The following RARB variants were observed in gnomAD, a reference collection of about 807,000 sequenced individuals.
RARB encodes the protein HBV-activated protein.
Under a neutral mutation model 51.9 loss-of-function variants are expected in RARB, and 17 were observed. The observed-to-expected ratio is 0.33, with a 90% CI of 0.22 to 0.49. The LOEUF (loss-of-function observed/expected upper bound fraction) is 0.49, where lower values mean the gene tolerates loss of function less well. Ranked by LOEUF, RARB falls within the 20% of genes least tolerant of loss-of-function variation. The probability of loss-of-function intolerance (pLI) is 0.99; values close to 1 mark genes in which losing one functional copy is unlikely to be tolerated. For missense variants in RARB, 369 were observed against 550.8 expected (o/e 0.67, Z 3.30); for synonymous variants, 215 against 195.4 (o/e 1.10, Z -0.84).
chr3:24,889,570 T>C (rs139806971), intron 2 of RARB, among the ~76,000 whole-genome samples: 215 of 152,280 alleles, frequency 1.4e-3, no homozygotes, highest in African/African-American at 5.1e-3. Context: ...GGAATCTTCA[T>C]AACAAACATT....
chr3:25,593,178 T>TTA (rs1553637351), intron 5 of RARB, among the ~76,000 whole-genome samples: 74 of 152,062 alleles, frequency 4.9e-4, no homozygotes, highest in African/African-American at 1.5e-3. Context: ...TTTTTTTTTT[T>TTA]ATCTCCAGCA....
At chr3:24,863,046 G>C (rs1702783624) in intron 2 of RARB, among the ~76,000 whole-genome samples, 1 of 152,202 alleles carries the variant, frequency 6.6e-6, no homozygotes, top group African/African-American at 2.4e-5. Context: ...GAGATGGCCA[G>C]AAAGGAGAAT....
chr3:24,988,099 C>T (rs369767620), intron 2 of RARB, among the ~76,000 whole-genome samples: 2 of 152,128 alleles, frequency 1.3e-5, no homozygotes, highest in African/African-American at 4.8e-5. Flanking sequence ...TCTCATATAA[C>T]ACCCTTAACT....
chr3:24,959,637 G>A (rs370909198), intron 2 of RARB, among the ~76,000 whole-genome samples: 28 of 152,308 alleles, frequency 1.8e-4, no homozygotes, highest in African/African-American at 6.0e-4. Flanking sequence ...CAGGGACACT[G>A]CCCTTTTCCG....
chr3:24,922,134 C>T (rs111757866), intron 2 of RARB, among the ~76,000 whole-genome samples: 14 of 152,300 alleles, frequency 9.2e-5, no homozygotes, highest in African/African-American at 3.1e-4. Flanking sequence ...TATGAAAGCA[C>T]TTCTAGTGTC....
intron 2 of RARB, among the ~76,000 whole-genome samples, chr3:24,972,314 T>C (rs1696417699): frequency 1.3e-5 from 2 of 151,718 alleles, no homozygotes; most frequent in African/African-American, 4.9e-5. Context: ...GCAAATGACA[T>C]GGTTTCCTTC....
intron 5 of RARB, among the ~76,000 whole-genome samples, chr3:25,261,417 T>G (rs1304199685): frequency 6.6e-6 from 1 of 152,162 alleles, no homozygotes; most frequent in Non-Finnish European, 1.5e-5. Context: ...CTCTTTTCTG[T>G]AGTACCTGTA....
At chr3:24,852,613 C>T (rs1043197001) in intron 1 of RARB, among the ~76,000 whole-genome samples, 5 of 152,012 alleles carry the variant, frequency 3.3e-5, no homozygotes, top group Admixed American at 2.6e-4. Flanking sequence ...AAATGTCCAC[C>T]GAATGGTGAA....
rs35710364 is a variant in RARB, at chr3:25,156,516, C to CA, written c.-279-17572dup. On this transcript the variant is annotated intron_variant, in intron 4 of 11. Coordinates refer to the RARB transcript ENST00000383772. ...ATCACACAAATTCTAGCCCCAACTG[C>CA]AAAAAAAAAAAAAAAAAAAAAAAAA... Among the ~76,000 whole-genome samples, 378 of 56,804 alleles carry CA rather than the reference C, an allele frequency of 6.7e-3. 63 individuals carry two copies. The highest frequency in any genetic ancestry group is 0.015 in the Middle Eastern group (1 of 68). 37.3% of individuals were successfully genotyped at this position (56,804 alleles called of 152,430 possible).
chr3:25,484,350 A>G (rs1417581391), intron 2 of RARB, among the ~76,000 whole-genome samples: 1 of 152,128 alleles, frequency 6.6e-6, no homozygotes, highest in Non-Finnish European at 1.5e-5. Flanking sequence ...TAGTACATCA[A>G]TAGTTTCTGA....
chr3:25,020,193 G>C (rs1697603235), intron 2 of RARB: 1 of 150,694 alleles, frequency 6.6e-6, no homozygotes. Flanking sequence ...AGGTTGCTCA[G>C]GCTGGAGGGC....
At chr3:25,024,113 C>G (rs1241771017) in intron 2 of RARB, among the ~76,000 whole-genome samples, 1 of 152,154 alleles carries the variant, frequency 6.6e-6, no homozygotes, top group Non-Finnish European at 1.5e-5. Context: ...TCCAATGAGC[C>G]TTCCATCACA....
chr3:25,305,453 TG>T (rs1424264616), intron 5 of RARB, among the ~76,000 whole-genome samples: 1 of 152,184 alleles, frequency 6.6e-6, no homozygotes, highest in African/African-American at 2.4e-5. Context: ...AACCACAGTT[TG>T]CTTGTTTAAA....
chr3:25,589,779 A>C (rs977792798), intron 5 of RARB, among the ~76,000 whole-genome samples: 1 of 152,244 alleles, frequency 6.6e-6, no homozygotes, highest in African/African-American at 2.4e-5. Context: ...GTTGTCCAAC[A>C]GGGCCCTGCT....
At chr3:25,375,065 G>C (rs1706418607) in intron 5 of RARB, among the ~76,000 whole-genome samples, 1 of 152,074 alleles carries the variant, frequency 6.6e-6, no homozygotes, top group African/African-American at 2.4e-5. Context: ...AAACACAGTT[G>C]TCAACAAACA....
intron 2 of RARB, among the ~76,000 whole-genome samples, chr3:24,997,271 A>G (rs992145279): frequency 1.3e-5 from 2 of 151,998 alleles, no homozygotes; most frequent in Admixed American, 1.3e-4. Flanking sequence ...TGATAAGTAT[A>G]GCTATTTCTA....
At chr3:25,188,061 A>G (rs916787807) in intron 5 of RARB, among the ~76,000 whole-genome samples, 2 of 152,156 alleles carry the variant, frequency 1.3e-5, no homozygotes, top group African/African-American at 4.8e-5. Flanking sequence ...TTACCGAATT[A>G]ATAGAATTAA....
intron 1 of RARB, among the ~76,000 whole-genome samples, chr3:25,438,344 A>C (rs1213952969): frequency 1.3e-5 from 2 of 152,076 alleles, no homozygotes; most frequent in Non-Finnish European, 2.9e-5. Flanking sequence ...TTCAATAACT[A>C]CCTTTCAGTT....
intron 2 of RARB, among the ~76,000 whole-genome samples, chr3:25,005,182 T>G (rs1697244985): frequency 6.6e-6 from 1 of 152,190 alleles, no homozygotes; most frequent in Admixed American, 6.6e-5. Context: ...TTCTCTTGAA[T>G]GAAATAGCCT....
Sources: allele counts gnomAD v4.1 joint callset (sites outside exome capture counted in the v4.1 genomes callset), GRCh38; gene constraint gnomAD v4.1.1; transcripts MANE v1.5; gene names NCBI Gene and HGNC (gene_info 2026-07-23, HGNC 2026-07-21).